The following MMP28 variants were observed in gnomAD, a reference collection of about 807,000 sequenced individuals.
MMP28 encodes matrix metalloproteinase-28.
A neutral mutation model predicts 60.5 loss-of-function variants in MMP28; 55 were observed. The ratio of observed to expected loss-of-function variants is 0.91; its 90% CI spans 0.73 to 1.14. MMP28 has a LOEUF of 1.14. MMP28 is among the 50% of genes most tolerant of loss of function. The pLI is 0.00. For missense variants in MMP28, 686 were observed against 738.3 expected (o/e 0.93, Z 0.82); for synonymous variants, 318 against 312.5 (o/e 1.02, Z -0.18).
intron 1 of MMP28, among the ~76,000 whole-genome samples, chr17:35,782,990 C>A (rs993503033): frequency 6.6e-6 from 1 of 152,092 alleles, no homozygotes; most frequent in Non-Finnish European, 1.5e-5. Flanking sequence ...CGATGCCCGG[C>A]TAATTTTTTG....
At chr17:35,756,754 C>T (rs1026818628) in intron 2 of MMP28, among the ~76,000 whole-genome samples, 1 of 152,014 alleles carries the variant, frequency 6.6e-6, no homozygotes, top group African/African-American at 2.4e-5. Flanking sequence ...AGGCGTGAGC[C>T]ACTGCGCCCG....
Position 35,778,870 on chromosome 17 carries a change from G to T in MMP28, c.379+18C>A, listed in dbSNP as rs199661178. On this transcript the variant is annotated intron_variant, in intron 3 of 7. Coordinates refer to ENST00000605424, the MANE Select transcript of MMP28 (RefSeq NM_024302.5). ...ACATTGGGAAATCTTGGCCTAGCCGGATTTTAACAGTGCTCACCTTGCTTT... is the reference window on the plus strand; with the variant it reads ...ACATTGGGAAATCTTGGCCTAGCCGTATTTTAACAGTGCTCACCTTGCTTT... 1.9e-5 allele frequency: 30 copies of T among 1,614,034 alleles called. No individual in the cohort carries two copies. The African/African-American group carries it at 3.5e-4, about 19-fold the overall frequency.
chr17:35,783,560 T>C (rs1555609887), intron 1 of MMP28, among the ~76,000 whole-genome samples: 2 of 152,192 alleles, frequency 1.3e-5, no homozygotes, highest in Non-Finnish European at 2.9e-5. Flanking sequence ...GTGAGTGACT[T>C]GGGAGAGACC....
rs369105121 is a variant in MMP28 at position 35,767,793 on chromosome 17, G to T, written c.1127C>A (p.Ala376Glu). ...WVGLPPNIEA[A>E]AVSLNDGDFY... ...ATCTCCATCATTCAATGACACTGCC[G>T]CAGCCTCAATGTTGGGGGGCAGCCC... Residue 376 changes from alanine (A) to glutamate (E), a missense_variant, in exon 7 of 8, where the codon GCG (alanine) becomes GAG (glutamate). Coordinates refer to ENST00000605424, the MANE Select transcript of MMP28 (RefSeq NM_024302.5). 6.3e-7 allele frequency: 1 copy of T among 1,592,916 alleles called. No homozygotes were observed. Among genetic ancestry groups the T allele is most frequent in the South Asian group, 1.1e-5 (1 of 87,946 alleles).
intron 1 of MMP28, among the ~76,000 whole-genome samples, chr17:35,785,649 G>A (rs1049269458): frequency 1.4e-4 from 21 of 152,194 alleles, no homozygotes; most frequent in African/African-American, 4.3e-4. Flanking sequence ...GGGTTTCACC[G>A]TTTCAGGCAG....
downstream of MMP28, chr17:35,764,626 C>G (rs1198832838): frequency 1.9e-6 from 3 of 1,566,594 alleles, no homozygotes; most frequent in Non-Finnish European, 2.6e-6. Flanking sequence ...TGAGCGCCCC[C>G]GCTCCCAGCC....
chr17:35,768,350 G>C lies in MMP28; in HGVS notation c.880C>G (p.Gln294Glu). ...GKPLGGSVAV[Q>E]LPGKLFTDFE... ...TCAGTGAACAGCTTTCCTGGGAGCT[G>C]GACGGCCACTGAGCCCCCTAGGGGC... The change falls in exon 6 of 8, where the codon CAG becomes GAG. Residue 294 changes from glutamine to glutamate, a missense_variant. By Grantham distance (29) the Gln-to-Glu change is conservative. Transcript: ENST00000605424. 1 of 1,611,838 alleles carries C rather than the reference G, an allele frequency of 6.2e-7. No individual in the cohort carries two copies. Among genetic ancestry groups the C allele is most frequent in the Non-Finnish European group, 8.5e-7 (1 of 1,179,060 alleles).
At chr17:35,769,737 G>C (rs535733474) in intron 5 of MMP28, among the ~76,000 whole-genome samples, 1 of 151,980 alleles carries the variant, frequency 6.6e-6, no homozygotes, top group African/African-American at 2.4e-5. Flanking sequence ...GTGATGGGGC[G>C]GGCACATGGT....
chr17:35,790,890 G>GT (rs75405121), intron 1 of MMP28, among the ~76,000 whole-genome samples: 297 of 116,864 alleles, frequency 2.5e-3, no homozygotes, highest in Middle Eastern at 0.01. Context: ...ATGTATTAAT[G>GT]TTTTTTTTTT....
Position 35,778,998 on chromosome 17 carries a change from C to A in MMP28, c.269G>T (p.Arg90Leu), listed in dbSNP as rs901981147. 1 of 1,613,960 alleles carries A rather than the reference C, an allele frequency of 6.2e-7. No individual in the cohort carries two copies. The highest frequency in any genetic ancestry group is 8.5e-7 in the Non-Finnish European group (1 of 1,179,920). ...RATLRQMTRP[R>L]CGVTDTNSYA... ...ACTGTTGGTATCTGTAACCCCGCAGCGGGGACGAGTCATCTGGCGCAGGGT... is the reference window on the plus strand; with the variant it reads ...ACTGTTGGTATCTGTAACCCCGCAGAGGGGACGAGTCATCTGGCGCAGGGT... Residue 90 changes from arginine to leucine, a missense_variant, in exon 3 of 8, where the codon CGC becomes CTC. Arg to Leu is a moderately radical substitution (Grantham distance 102, BLOSUM62 -2). Coordinates refer to ENST00000605424, the MANE Select transcript of MMP28 (RefSeq NM_024302.5).
Position 35,770,238 on chromosome 17 carries a change from T to C in MMP28, c.679A>G (p.Ser227Gly). Residue 227 changes from serine (S) to glycine (G), a missense_variant, in exon 5 of 8, where the codon AGC becomes GGC. Coordinates refer to ENST00000605424, the MANE Select transcript of MMP28 (RefSeq NM_024302.5). ...AACAGGTTGCGCCCGCGGCGGCGGC[T>C]CAGGGACCAGCGCTCATCTTGGTCG... ...HFDQDERWSLSRRRGRNLFVV... is the reference protein window; with the variant it reads ...HFDQDERWSLGRRRGRNLFVV... The C allele has an allele frequency of 6.3e-7, 1 of 1,591,278 alleles. No homozygotes were observed. Among genetic ancestry groups the C allele is most frequent in the Non-Finnish European group, 8.5e-7 (1 of 1,174,942 alleles).
intron 2 of MMP28, among the ~76,000 whole-genome samples, chr17:35,759,235 G>T (rs1380336336): frequency 6.6e-5 from 10 of 152,232 alleles, no homozygotes; most frequent in Admixed American, 6.5e-4. Flanking sequence ...AGTTTAAAGA[G>T]AATGAGCTTG....
rs532350874 is a variant in MMP28 at position 35,787,899 on chromosome 17, CTTTT to C, written c.111+7364_111+7367del. On this transcript the variant is annotated intron_variant, in intron 1 of 7. Coordinates refer to ENST00000605424, the MANE Select transcript of MMP28 (RefSeq NM_024302.5). ...TCTCTCTCACTCTTTTTTTCTTTCC[CTTTT>C]TTTTTTTTTTTTTTTTTTTTGAGAT... is the stretch of plus-strand genomic sequence containing the variant. 4.4e-3 allele frequency among the ~76,000 whole-genome samples: 459 copies of C among 104,404 alleles called. 1 individual carries two copies. The highest frequency in any genetic ancestry group is 0.016 in the African/African-American group (427 of 26,632). 68.5% of individuals were successfully genotyped at this position (104,404 alleles called of 152,430 possible).
At chr17:35,786,422 T>A (rs923405200) in intron 1 of MMP28, among the ~76,000 whole-genome samples, 2 of 152,166 alleles carry the variant, frequency 1.3e-5, no homozygotes, top group Non-Finnish European at 2.9e-5. Context: ...AAATTAAGAA[T>A]TTAAAAATTG....
At chr17:35,769,402 G>A (rs2143217042) in intron 5 of MMP28, among the ~76,000 whole-genome samples, 1 of 152,354 alleles carries the variant, frequency 6.6e-6, no homozygotes, top group South Asian at 2.1e-4. Flanking sequence ...AGGTAAAACT[G>A]AGGGTTCACA....
chr17:35,784,819 T>C (rs1300230649), intron 1 of MMP28, among the ~76,000 whole-genome samples: 1 of 152,182 alleles, frequency 6.6e-6, no homozygotes, highest in Non-Finnish European at 1.5e-5. Flanking sequence ...CCTGCCCCAC[T>C]TCAAGGAGGC....
At chr17:35,778,342 T>C (rs1272285846) in intron 3 of MMP28, among the ~76,000 whole-genome samples, 6 of 152,138 alleles carry the variant, frequency 3.9e-5, no homozygotes, top group African/African-American at 1.4e-4. Flanking sequence ...TGGGGTTTCT[T>C]TTCAGGGTGA....
intron 4 of MMP28, among the ~76,000 whole-genome samples, chr17:35,771,397 C>CTCCA (rs1260321815): frequency 7.1e-5 from 10 of 141,518 alleles, no homozygotes; most frequent in African/African-American, 2.7e-4. Context: ...CGCCATTGCA[C>CTCCA]TCCAGCCTGG....
downstream of MMP28, chr17:35,760,985 G>C (rs781835821): frequency 4.4e-6 from 7 of 1,606,588 alleles, no homozygotes; most frequent in African/African-American, 5.3e-5. Flanking sequence ...GGTGGGGCTG[G>C]AGGACAGGAC....
Sources: allele counts gnomAD v4.1 joint callset (sites outside exome capture counted in the v4.1 genomes callset), GRCh38; gene constraint gnomAD v4.1.1; transcripts MANE v1.5; gene names NCBI Gene and HGNC (gene_info 2026-07-23, HGNC 2026-07-21).